The following GRM5 variants were observed in gnomAD, a reference collection of about 807,000 sequenced individuals.
GRM5 encodes glutamate metabotropic receptor 5.
Under a neutral mutation model 83.1 loss-of-function variants are expected in GRM5, and 19 were observed. The observed-to-expected ratio is 0.23, with a 90% CI of 0.16 to 0.34. The LOEUF (loss-of-function observed/expected upper bound fraction) is 0.34, where lower values mean the gene tolerates loss of function less well. Among genes scored for constraint, GRM5 ranks in the 10% least tolerant of loss-of-function variants. The probability of loss-of-function intolerance (pLI) is 1.00; values close to 1 mark genes in which losing one functional copy is unlikely to be tolerated. For missense variants in GRM5, 1,160 were observed against 1,588.3 expected, an observed-to-expected ratio of 0.73 and a Z score of 4.58; for synonymous variants, 675 against 633.6, an observed-to-expected ratio of 1.07 and a Z score of -0.98.
At chr11:88,785,232 C>T (rs907408440) in intron 3 of GRM5, among the ~76,000 whole-genome samples, 2 of 152,082 alleles carry the variant, frequency 1.3e-5, no homozygotes, top group Non-Finnish European at 2.9e-5. Context: ...AGTTCCCTTA[C>T]AATTAGTGGC....
intron 3 of GRM5, among the ~76,000 whole-genome samples, chr11:88,690,150 A>C (rs993410160): frequency 2.6e-5 from 4 of 152,226 alleles, no homozygotes; most frequent in Non-Finnish European, 4.4e-5. Context: ...ACTCAGATAC[A>C]TAAGAATACA....
intron 2 of GRM5, among the ~76,000 whole-genome samples, chr11:89,027,445 C>T (rs1165035015): frequency 6.6e-6 from 1 of 152,130 alleles, no homozygotes; most frequent in Non-Finnish European, 1.5e-5. Flanking sequence ...GAATTAGTTA[C>T]TAAGTTACAG....
chr11:89,015,647 A>T (rs1285217354), intron 2 of GRM5, among the ~76,000 whole-genome samples: 1 of 152,212 alleles, frequency 6.6e-6, no homozygotes, highest in Non-Finnish European at 1.5e-5. Context: ...TGTGTTTTAA[A>T]AGCCCAGGTA....
At chr11:88,648,938 T>G (rs1299665036) in intron 4 of GRM5, among the ~76,000 whole-genome samples, 2 of 148,226 alleles carry the variant, frequency 1.3e-5, no homozygotes, top group African/African-American at 5.2e-5. Context: ...ATTTTTAAAC[T>G]GATGCAATTC....
Position 88,566,990 on chromosome 11 carries a change from G to T in GRM5, c.2630+63C>A, listed in dbSNP as rs867060366. 16 of 1,084,212 alleles carry T rather than the reference G, an allele frequency of 1.5e-5. No individual in the cohort carries two copies. In the Middle Eastern group the frequency reaches 1.2e-3, roughly 79 times the overall value. The allele number at this position is 1,084,212 out of a possible 1,614,324, so 67.2% of individuals were successfully genotyped here. A position where few individuals can be genotyped will look rare whatever the true frequency, so the allele number is the denominator to read the frequency against. Reference sequence around the variant, plus strand: ...GATTTCTCCCATTTAAAAGACCCAGGAAACACATGCCTCTGCTCCAGTTTT... The same window carrying T: ...GATTTCTCCCATTTAAAAGACCCAGTAAACACATGCCTCTGCTCCAGTTTT... On this transcript the variant is annotated intron_variant, in intron 8 of 9. Transcript: ENST00000305447.
At chr11:89,036,652 A>G (rs1345438569) in intron 2 of GRM5, among the ~76,000 whole-genome samples, 1 of 40,730 alleles carries the variant, frequency 2.5e-5, no homozygotes, top group East Asian at 7.8e-4. Flanking sequence ...AAGACTATTA[A>G]TCAGTATTTG....
intron 3 of GRM5, among the ~76,000 whole-genome samples, chr11:88,770,887 A>C (rs977774825): frequency 1.3e-4 from 20 of 152,130 alleles, no homozygotes; most frequent in Non-Finnish European, 1.5e-5. Context: ...GGCATTTGTC[A>C]CTTAGCGTCA....
intron 2 of GRM5, among the ~76,000 whole-genome samples, chr11:88,875,945 G>C (rs1428022021): frequency 6.6e-6 from 1 of 152,012 alleles, no homozygotes; most frequent in Non-Finnish European, 1.5e-5. Context: ...TAGCTCTTAA[G>C]GGCCTTGGGG....
chr11:88,758,069 A>G (rs1162607244), intron 3 of GRM5, among the ~76,000 whole-genome samples: 3 of 152,168 alleles, frequency 2.0e-5, no homozygotes, highest in Non-Finnish European at 2.9e-5. Context: ...TCAAATAAAA[A>G]TAACAAAAAC....
At chr11:88,773,232 G>C (rs927600429) in intron 3 of GRM5, among the ~76,000 whole-genome samples, 1 of 152,156 alleles carries the variant, frequency 6.6e-6, no homozygotes, top group African/African-American at 2.4e-5. Flanking sequence ...GTGTCTGTTG[G>C]CTGCATAGAT....
intron 8 of GRM5, among the ~76,000 whole-genome samples, chr11:88,563,655 A>T (rs1431949884): frequency 6.6e-6 from 1 of 152,196 alleles, no homozygotes; most frequent in Non-Finnish European, 1.5e-5. Context: ...TTAAGCCCAC[A>T]TGACATCCCA....
At chr11:89,038,751 A>C (rs1484450366) in intron 2 of GRM5, among the ~76,000 whole-genome samples, 9 of 152,194 alleles carry the variant, frequency 5.9e-5, no homozygotes, top group Non-Finnish European at 8.8e-5. Flanking sequence ...AAGGAAAAAG[A>C]ACCAGGTGAT....
At chr11:88,816,345 C>A (rs1458726141) in intron 3 of GRM5, among the ~76,000 whole-genome samples, 1 of 150,420 alleles carries the variant, frequency 6.6e-6, no homozygotes, top group Admixed American at 6.6e-5. Context: ...TTGAGACCAG[C>A]CTGGCCAACA....
At chr11:88,851,454 G>A (rs1944388663) in intron 2 of GRM5, among the ~76,000 whole-genome samples, 1 of 152,114 alleles carries the variant, frequency 6.6e-6, no homozygotes, top group Admixed American at 6.6e-5. Flanking sequence ...TTCACTACAT[G>A]TCTATAACTG....
chr11:88,728,462 C>T (rs12419808), intron 3 of GRM5, among the ~76,000 whole-genome samples: 2,688 of 152,170 alleles, frequency 0.018, 70 homozygotes, highest in East Asian at 0.1. Flanking sequence ...GGAGCTGGTA[C>T]CATTACTTCT....
chr11:88,997,772 A>C (rs1248485800), intron 2 of GRM5, among the ~76,000 whole-genome samples: 1 of 152,112 alleles, frequency 6.6e-6, no homozygotes, highest in Non-Finnish European at 1.5e-5. Context: ...TAAATAGATA[A>C]CTTCAACATC....
intron 4 of GRM5, among the ~76,000 whole-genome samples, chr11:88,632,564 T>C (rs1159655728): frequency 1.3e-5 from 2 of 152,216 alleles, no homozygotes; most frequent in South Asian, 2.1e-4. Flanking sequence ...CATTCCTTTA[T>C]GTAGATGAGT....
intron 2 of GRM5, among the ~76,000 whole-genome samples, chr11:89,023,663 G>A (rs188703892): frequency 0.014 from 2,061 of 151,600 alleles, 25 homozygotes; most frequent in Non-Finnish European, 0.022. Flanking sequence ...GGCCAACATA[G>A]CGAAACCCCG....
intron 2 of GRM5, among the ~76,000 whole-genome samples, chr11:88,972,538 T>C (rs1368961682): frequency 6.6e-6 from 1 of 152,100 alleles, no homozygotes; most frequent in African/African-American, 2.4e-5. Flanking sequence ...CATATATAAA[T>C]TGGGGGTGGT....
Sources: gnomAD v4.1 joint callset for allele counts (sites outside exome capture counted in the v4.1 genomes callset) on GRCh38, gnomAD v4.1.1 for gene constraint, MANE v1.5 for transcripts, NCBI Gene and HGNC (gene_info 2026-07-23, HGNC 2026-07-21) for gene names.